MIGA1: variants seen among roughly 807,000 people sequenced by gnomAD.
MIGA1 encodes family with sequence similarity 73, member A.
MIGA1 carries 58 observed loss-of-function variants against 82.0 expected under a neutral mutation model. That is an observed-to-expected ratio of 0.71 (90% CI 0.57 to 0.88). The LOEUF is 0.88. Ranked by LOEUF, MIGA1 falls within the 40% of genes least tolerant of loss-of-function variation. The pLI is 0.00. For missense variants in MIGA1, 751 were observed against 749.1 expected (o/e 1.00, Z -0.03); for synonymous variants, 249 against 253.6 (o/e 0.98, Z 0.17).
chr1:77,861,280 C>T lies in MIGA1; in HGVS notation c.1332C>T (p.Thr444=), dbSNP rs114117656. The change falls in exon 12 of 16, where the codon ACC becomes ACT. Residue 444 remains threonine (T), a synonymous_variant. Coordinates refer to ENST00000370791, the MANE Select transcript of MIGA1 (RefSeq NM_198549.4). ...AAATGATCTATTTTTTAGAGCAGACCGATCACTGGGGTAGTACTGAAATGG... is the reference window on the plus strand; with the variant it reads ...AAATGATCTATTTTTTAGAGCAGACTGATCACTGGGGTAGTACTGAAATGG... 2.0e-4 allele frequency: 329 copies of T among 1,613,224 alleles called. 2 individuals carry two copies. The African/African-American group carries it at 3.7e-3, about 18-fold the overall frequency.
chr1:77,860,167 A>G (rs776255162), intron 11 of MIGA1, 41 bp downstream of exon 11: 1 of 1,467,410 alleles, frequency 6.8e-7, no homozygotes, highest in Non-Finnish European at 9.4e-7. Flanking sequence ...CATTTACAAA[A>G]GTTGTTTTTA....
rs144898775 is a variant in MIGA1, at chr1:77,820,522, G to A, written c.895+5291G>A. On this transcript the variant is annotated intron_variant, in intron 7 of 15. Transcript: ENST00000370791. ...GATTAAATGAAAGTTCTAGGAACAG[G>A]GTAACAATGTGTATTGGCTCGGAAT... 2.9e-4 allele frequency among the ~76,000 whole-genome samples: 44 copies of A among 152,172 alleles called. 1 individual carries two copies. Among genetic ancestry groups the A allele is most frequent in the African/African-American group, 1.0e-3 (43 of 41,526 alleles).
At chr1:77,868,253 G>A (rs902858008) in intron 14 of MIGA1, 1 of 151,988 alleles carries the variant, frequency 6.6e-6, no homozygotes, top group African/African-American at 2.4e-5. Context: ...TTGAGACGGA[G>A]TCTCACTCTG....
intron 14 of MIGA1, among the ~76,000 whole-genome samples, chr1:77,870,963 G>A (rs1685958688): frequency 6.6e-6 from 1 of 151,214 alleles, no homozygotes; most frequent in Non-Finnish European, 1.5e-5. Flanking sequence ...GTGCGCGCCT[G>A]CAGTCGCAGG....
At chr1:77,780,116 T>C (rs1681839524) in intron 1 of MIGA1, 1 of 1,001,406 alleles carries the variant, frequency 1.0e-6, no homozygotes, top group African/African-American at 1.7e-5. Context: ...TCTGGTGTTC[T>C]TGGCAAAGAA....
chr1:77,870,028 G>A lies in MIGA1; in HGVS notation c.1564-2976G>A, dbSNP rs867648170. Reference sequence around the variant, plus strand: ...GGGCAGAGGGGCTCCTCACTTCCCAGTAGGGGCGGCCGGGCAGAGGCGCCC... The same window carrying A: ...GGGCAGAGGGGCTCCTCACTTCCCAATAGGGGCGGCCGGGCAGAGGCGCCC... On this transcript the variant is annotated intron_variant, in intron 14 of 15. Transcript: ENST00000370791. Among the ~76,000 whole-genome samples, 522 of 128,432 alleles carry A rather than the reference G, an allele frequency of 4.1e-3. 2 individuals carry two copies. The highest frequency in any genetic ancestry group is 4.0e-3 in the Non-Finnish European group (232 of 58,094). 84.3% of individuals were successfully genotyped at this position (128,432 alleles called of 152,430 possible).
intron 7 of MIGA1, 114 bp downstream of exon 7, chr1:77,815,345 A>T (rs1174021177): frequency 1.8e-5 from 15 of 856,088 alleles, no homozygotes; most frequent in Non-Finnish European, 2.2e-5. Context: ...AAAAAAAAAT[A>T]AACTAGCCAA....
chr1:77,853,860 CT>C, intron 8 of MIGA1: 1 of 264,442 alleles, frequency 3.8e-6, no homozygotes, highest in Non-Finnish European at 7.7e-6. Context: ...GATAAAGTTA[CT>C]TTCCCAGAAT....
At chr1:77,812,700 A>G (rs774803848) in intron 5 of MIGA1, among the ~76,000 whole-genome samples, 1 of 152,202 alleles carries the variant, frequency 6.6e-6, no homozygotes, top group Non-Finnish European at 1.5e-5. Context: ...TTTGAAGTGC[A>G]TAGTTATTTT....
chr1:77,779,798 G>A, intron 1 of MIGA1, 62 bp downstream of exon 1: 1 of 1,502,766 alleles, frequency 6.7e-7, no homozygotes, highest in Non-Finnish European at 8.9e-7. Context: ...GAGTTGAGCG[G>A]CCACGCAGTT....
chr1:77,858,002 T>C (rs1162495626), intron 8 of MIGA1, among the ~76,000 whole-genome samples: 3 of 152,190 alleles, frequency 2.0e-5, no homozygotes, highest in Non-Finnish European at 4.4e-5. Flanking sequence ...GATAAAATTC[T>C]CCTCCTCTTT....
chr1:77,857,612 T>C (rs932971666), intron 8 of MIGA1, among the ~76,000 whole-genome samples: 1 of 151,414 alleles, frequency 6.6e-6, no homozygotes, highest in Non-Finnish European at 1.5e-5. Flanking sequence ...CCCAGGAGTT[T>C]GAGGCCGCAG....
chr1:77,846,547 T>A (rs1262013484), intron 8 of MIGA1, among the ~76,000 whole-genome samples: 3 of 152,088 alleles, frequency 2.0e-5, no homozygotes, highest in East Asian at 3.9e-4. Flanking sequence ...TTGCCCAGGC[T>A]GGTCTCAAAC....
intron 3 of MIGA1, among the ~76,000 whole-genome samples, chr1:77,801,826 G>A (rs576651684): frequency 8.1e-4 from 124 of 152,180 alleles, no homozygotes; most frequent in African/African-American, 2.9e-3. Context: ...AAGTAAAATT[G>A]TAATCAGACA....
At chr1:77,806,152 G>T (rs939298315) in intron 4 of MIGA1, among the ~76,000 whole-genome samples, 1 of 152,110 alleles carries the variant, frequency 6.6e-6, no homozygotes. Context: ...TAATCTGTAG[G>T]CTATATGTTG....
At chr1:77,802,250 A>G (rs1041877021) in intron 3 of MIGA1, among the ~76,000 whole-genome samples, 2 of 152,230 alleles carry the variant, frequency 1.3e-5, no homozygotes, top group African/African-American at 4.8e-5. Context: ...ACATTGCAAC[A>G]GTAATGATTG....
intron 14 of MIGA1, among the ~76,000 whole-genome samples, chr1:77,870,573 G>A (rs1201395361): frequency 4.8e-5 from 7 of 144,494 alleles, no homozygotes; most frequent in African/African-American, 1.8e-4. Context: ...GATGGCGGCC[G>A]GGCAGAGACG....
chr1:77,811,211 C>T, intron 5 of MIGA1: 6 of 1,553,024 alleles, frequency 3.9e-6, no homozygotes, highest in Non-Finnish European at 5.3e-6. Context: ...TTTACACTAA[C>T]TGTAATATAG....
At chr1:77,863,726 G>A (rs556106787) in intron 12 of MIGA1, among the ~76,000 whole-genome samples, 168 bp from the exon 13 acceptor site, 1 of 152,250 alleles carries the variant, frequency 6.6e-6, no homozygotes, top group East Asian at 1.9e-4. Context: ...ATGTGAATTC[G>A]TAATTTCTAG....
Sources: allele counts gnomAD v4.1 joint callset (sites outside exome capture counted in the v4.1 genomes callset), GRCh38; gene constraint gnomAD v4.1.1; transcripts MANE v1.5; gene names NCBI Gene and HGNC (gene_info 2026-07-23, HGNC 2026-07-21).